Variants in LSM4 observed in about 807,000 individuals in gnomAD.
The protein encoded by LSM4 is U6 snRNA-associated Sm-like protein LSm4.
In LSM4, 15 loss-of-function variants were observed where a neutral mutation model predicts 22.3. That is an observed-to-expected ratio of 0.67 (90% CI 0.45 to 1.03). The LOEUF (loss-of-function observed/expected upper bound fraction) is 1.03, where lower values mean the gene tolerates loss of function less well. LSM4 is among the 50% of genes least tolerant of loss of function. The pLI is 0.00. For synonymous variants in LSM4, 90 were observed against 79.8 expected, an observed-to-expected ratio of 1.13 and a Z score of -0.68; for missense variants, 127 against 198.0, an observed-to-expected ratio of 0.64 and a Z score of 2.15.
chr19:18,322,997 C>G, intron 1 of LSM4, 21 bp downstream of exon 1: 3 of 1,591,728 alleles, frequency 1.9e-6, no homozygotes, highest in Non-Finnish European at 2.6e-6. Context: ...CGGTGAGACC[C>G]CGCAGTTGCC....
chr19:18,314,565 A>G (rs556129460), intron 2 of LSM4, among the ~76,000 whole-genome samples: 1 of 152,130 alleles, frequency 6.6e-6, no homozygotes, highest in Non-Finnish European at 1.5e-5. Context: ...TCGTCTGGCT[A>G]TAAGGAATGA....
chr19:18,322,911 C>A (rs912756415), intron 1 of LSM4, 107 bp downstream of exon 1: 6 of 1,493,772 alleles, frequency 4.0e-6, no homozygotes, highest in Non-Finnish European at 4.5e-6. Flanking sequence ...GAGGCTCGGA[C>A]CTTACGTTCG....
At chr19:18,320,817 T>C (rs1477272) in intron 1 of LSM4, among the ~76,000 whole-genome samples, 62,696 of 151,676 alleles carry the variant, frequency 0.41, 14,984 homozygotes, top group East Asian at 0.74. Flanking sequence ...TAAAATGAAA[T>C]AGAAAAAGAA....
chr19:18,320,520 A>G (rs1383189924), intron 1 of LSM4, among the ~76,000 whole-genome samples: 2 of 151,988 alleles, frequency 1.3e-5, no homozygotes, highest in African/African-American at 2.4e-5. Context: ...AAAAAAGTCT[A>G]GAGTGCAGTG....
chr19:18,307,950 G>A (rs556439281), intron 4 of LSM4, among the ~76,000 whole-genome samples: 9 of 152,006 alleles, frequency 5.9e-5, no homozygotes, highest in South Asian at 2.1e-4. Context: ...TCCCTGGCGG[G>A]GGGGGGGCCT....
chr19:18,317,143 C>T (rs1366117629), intron 1 of LSM4, among the ~76,000 whole-genome samples: 1 of 151,724 alleles, frequency 6.6e-6, no homozygotes, highest in Non-Finnish European at 1.5e-5. Context: ...GCCTCAGCCT[C>T]CCAAATAGCT....
chr19:18,310,566 G>C (rs536631583), intron 3 of LSM4, among the ~76,000 whole-genome samples: 1 of 152,154 alleles, frequency 6.6e-6, no homozygotes, highest in Non-Finnish European at 1.5e-5. Flanking sequence ...CAATGCCTCC[G>C]AGGCCCCCAC....
At chr19:18,317,300 C>G (rs1431106957) in intron 1 of LSM4, among the ~76,000 whole-genome samples, 1 of 150,026 alleles carries the variant, frequency 6.7e-6, no homozygotes, top group Non-Finnish European at 1.5e-5. Context: ...GGGGTAACAG[C>G]ATTGAGCCAT....
chr19:18,322,887 G>C, intron 1 of LSM4, 131 bp downstream of exon 1: 3 of 1,320,908 alleles, frequency 2.3e-6, no homozygotes, highest in Admixed American at 2.0e-5. Context: ...GCCTCGTGCC[G>C]GGGGGCGGGA....
intron 1 of LSM4, chr19:18,316,337 AT>A (rs35435536): frequency 0.29 from 35,746 of 122,718 alleles, 2,927 homozygotes; most frequent in Admixed American, 0.37. Flanking sequence ...ACTCTGGTCA[AT>A]TTTTTTTTTT....
chr19:18,317,224 G>T (rs1206732964), intron 1 of LSM4, among the ~76,000 whole-genome samples: 1 of 151,858 alleles, frequency 6.6e-6, no homozygotes, highest in Non-Finnish European at 1.5e-5. Context: ...GTTTCTCCAT[G>T]TTGGCCAGGC....
chr19:18,319,930 T>C (rs1970407101), intron 1 of LSM4, among the ~76,000 whole-genome samples: 1 of 152,150 alleles, frequency 6.6e-6, no homozygotes, highest in South Asian at 2.1e-4. Flanking sequence ...GCCAGGCACA[T>C]GAGAGGGACT....
rs548083665 is a variant in LSM4, at chr19:18,307,671, A to G, written c.329-116T>C. On this transcript the variant is annotated intron_variant, in intron 4 of 4. Coordinates refer to ENST00000593829, the MANE Select transcript of LSM4 (RefSeq NM_012321.5). ...CTAAGTCTCCAGCCTCAGCTTCCTC[A>G]TGTGTGAGGTGGTGACTGAGGGTGC... 720 of 690,298 alleles carry G rather than the reference A, an allele frequency of 1.0e-3. 3 individuals are homozygous for G. The highest frequency in any genetic ancestry group is 4.1e-3 in the South Asian group (169 of 41,008). 42.8% of individuals were successfully genotyped at this position (690,298 alleles called of 1,614,324 possible). A position where few individuals can be genotyped will look rare whatever the true frequency, so the allele number is the denominator to read the frequency against.
chr19:18,316,187 T>A (rs1970354974), intron 1 of LSM4, 122 bp from the exon 2 acceptor site: 3 of 757,446 alleles, frequency 4.0e-6, no homozygotes, highest in Non-Finnish European at 4.4e-6. Context: ...GGAGTGCGTG[T>A]CAATCACCCC....
At chr19:18,312,947 G>A (rs943045598) in intron 2 of LSM4, among the ~76,000 whole-genome samples, 9 of 152,248 alleles carry the variant, frequency 5.9e-5, no homozygotes, top group East Asian at 3.8e-4. Flanking sequence ...TGGGCCGGGC[G>A]CGGTGGCTCA....
intron 2 of LSM4, among the ~76,000 whole-genome samples, chr19:18,315,100 T>TG (rs1395452801): frequency 2.0e-5 from 3 of 151,986 alleles, no homozygotes; most frequent in Non-Finnish European, 4.4e-5. Context: ...TTAGCCAGGA[T>TG]GGTCTCGATC....
chr19:18,314,915 C>T (rs1344739953), intron 2 of LSM4, among the ~76,000 whole-genome samples: 3 of 151,206 alleles, frequency 2.0e-5, no homozygotes, highest in South Asian at 4.2e-4. Flanking sequence ...GATGGAGTCT[C>T]GCTCTGTCAC....
intron 2 of LSM4, among the ~76,000 whole-genome samples, chr19:18,313,328 C>T (rs1212664599): frequency 6.6e-6 from 1 of 152,178 alleles, no homozygotes; most frequent in African/African-American, 2.4e-5. Context: ...TCCAGGGTGG[C>T]TGGGGGCCAG....
chr19:18,307,952 G>C (rs1055225750), intron 4 of LSM4, among the ~76,000 whole-genome samples: 1 of 152,004 alleles, frequency 6.6e-6, no homozygotes, highest in Admixed American at 6.5e-5. Flanking sequence ...CCTGGCGGGG[G>C]GGGGGCCTCC....
Sources: allele counts gnomAD v4.1 joint callset (sites outside exome capture counted in the v4.1 genomes callset), GRCh38; gene constraint gnomAD v4.1.1; transcripts MANE v1.5; gene names NCBI Gene and HGNC (gene_info 2026-07-23, HGNC 2026-07-21).